The following TFPI2 variants were observed in gnomAD, a reference collection of about 807,000 sequenced individuals.
The protein encoded by TFPI2 is placental protein 5.
In TFPI2, 23 loss-of-function variants were observed where a neutral mutation model predicts 23.1. That is an observed-to-expected ratio of 1.00 (90% confidence interval 0.72 to 1.41). The LOEUF is 1.41. Among genes scored for constraint, TFPI2 ranks in the 40% most tolerant of loss-of-function variants. The pLI, the probability that TFPI2 is intolerant of heterozygous loss-of-function variation, is 0.00. For missense variants in TFPI2, 291 were observed against 299.6 expected (o/e 0.97, Z 0.21); for synonymous variants, 119 against 111.7 (o/e 1.07, Z -0.41).
rs1297380944 is a variant in TFPI2 at position 93,886,776 on chromosome 7, G to A, written c.*44C>T. 7.3e-6 allele frequency: 9 copies of A among 1,229,792 alleles called. No homozygotes were observed. Among genetic ancestry groups the A allele is most frequent in the Non-Finnish European group, 1.0e-5 (9 of 886,110 alleles). The allele number at this position is 1,229,792 out of a possible 1,614,324, so 76.2% of individuals were successfully genotyped here. A position where few individuals can be genotyped will look rare whatever the true frequency, so the allele number is the denominator to read the frequency against. On this transcript the variant is annotated 3_prime_UTR_variant, in exon 5 of 5. Transcript: ENST00000222543. ...TTATTCTTCAGATACAACCATAAAG[G>A]CAAATAAGCCATAAAGACAAACAAG...
At chr7:93,888,369 C>T (rs537032604) in intron 3 of TFPI2, among the ~76,000 whole-genome samples, 2 of 151,850 alleles carry the variant, frequency 1.3e-5, no homozygotes, top group South Asian at 4.2e-4. Context: ...TCTAAAGAAA[C>T]AATTCAGGGC....
Position 93,887,295 on chromosome 7 carries a change from A to T in TFPI2, c.597T>A (p.Val199=). ...ATGCACGTTTGCAATCCTCCCTGCT[A>T]ACAAAGTTATTGTCATTCCCTCCAC... is the stretch of plus-strand genomic sequence containing the variant. ...TGCGGNDNNF[V]SREDCKRACA... Residue 199 remains valine (V), a synonymous_variant, in exon 4 of 5, where the codon GTT becomes GTA. Coordinates refer to ENST00000222543, the MANE Select transcript of TFPI2 (RefSeq NM_006528.4). The T allele has an allele frequency of 6.2e-7, 1 of 1,612,706 alleles. No homozygotes were observed. The highest frequency in any genetic ancestry group is 1.1e-5 in the South Asian group (1 of 90,586).
rs577195547 is a variant in TFPI2 at position 93,889,081 on chromosome 7, C to T, written c.414G>A (p.Arg138=). ...CCATACAAGTAGCTTCATCTGGAAA[C>T]CTGTTCTCAATCCGGTTCCGGTGAC... ...GGCHRNRIEN[R]FPDEATCMGF... is the part of the protein sequence containing the mutation. The change falls in exon 3 of 5, where the codon AGG becomes AGA. Residue 138 remains arginine, a synonymous_variant. Transcript: ENST00000222543. 27 of 1,611,440 alleles carry T rather than the reference C, an allele frequency of 1.7e-5. No individual in the cohort carries two copies. Among genetic ancestry groups the T allele is most frequent in the African/African-American group, 2.7e-5 (2 of 74,732 alleles).
intron 3 of TFPI2, among the ~76,000 whole-genome samples, chr7:93,887,834 A>G (rs937629404): frequency 6.6e-6 from 1 of 152,236 alleles, no homozygotes; most frequent in African/African-American, 2.4e-5. Flanking sequence ...AATCAATAAT[A>G]TATGCATACT....
Position 93,890,245 on chromosome 7 carries a change from C to T in TFPI2, c.163G>A (p.Asp55Asn). Residue 55 changes from aspartate to asparagine, a missense_variant, in exon 2 of 5, where the codon GAC (aspartate) becomes AAC (asparagine). By Grantham distance (23) the Asp-to-Asn change is conservative. Coordinates refer to ENST00000222543, the MANE Select transcript of TFPI2 (RefSeq NM_006528.4). ...TGGCGGCAGCTCTGCGTGTACCTGTCGTAGTAGTAACGGAGAAGTAGGGCC... is the reference window on the plus strand; with the variant it reads ...TGGCGGCAGCTCTGCGTGTACCTGTTGTAGTAGTAACGGAGAAGTAGGGCC... The part of the protein sequence containing the change: ...CRALLLRYYY[D>N]RYTQSCRQFL... 1 of 1,613,986 alleles carries T rather than the reference C, an allele frequency of 6.2e-7. No individual in the cohort carries two copies. Among genetic ancestry groups the T allele is most frequent in the South Asian group, 1.1e-5 (1 of 91,072 alleles).
At chr7:93,890,045 C>T in intron 2 of TFPI2, 92 bp downstream of exon 2, 1 of 1,373,736 alleles carries the variant, frequency 7.3e-7, no homozygotes, top group Admixed American at 2.4e-5. Context: ...CTAAAACTTC[C>T]TGTAGAAAGC....
intron 2 of TFPI2, 49 bp from the exon 3 acceptor site, chr7:93,889,272 T>C (rs760051958): frequency 1.3e-6 from 2 of 1,485,320 alleles, no homozygotes; most frequent in Admixed American, 2.4e-5. Flanking sequence ...GTAGCCTTCT[T>C]ATTAAACCAT....
Position 93,890,590 on chromosome 7 carries a change from C to T in TFPI2, c.88+1G>A, listed in dbSNP as rs1345430746. The T allele has an allele frequency of 1.2e-5, 20 of 1,613,180 alleles. No homozygotes were observed. The highest frequency in any genetic ancestry group is 3.3e-5 in the Admixed American group (2 of 59,984). ...GAGAAGCTCCTGGAGCGGCCAGATA[C>T]CTGTTGGCTCCTGAGCAGCATCGCC... On this transcript the variant is annotated splice_donor_variant, in intron 1 of 4. Transcript: ENST00000222543. LOFTEE classifies it high-confidence loss of function.
At chr7:93,888,516 A>G (rs1357684068) in intron 3 of TFPI2, among the ~76,000 whole-genome samples, 1 of 123,180 alleles carries the variant, frequency 8.1e-6, no homozygotes, top group Admixed American at 8.8e-5. Context: ...AAGAAAGAAA[A>G]GAAAGAAAGA....
In TFPI2 at chr7:93,886,555, T is replaced by C; in HGVS notation, c.*265A>G. 1 of 304,116 alleles carries C rather than the reference T, an allele frequency of 3.3e-6. No homozygotes were observed. The allele number at this position is 304,116 out of a possible 1,614,324, so 18.8% of individuals were successfully genotyped here. A position where few individuals can be genotyped will look rare whatever the true frequency, so the allele number is the denominator to read the frequency against. ...AATACGACCCCAAGAAATGAGTGAGTCATATTTGCTTTTATATCTTATGCA... is the reference window on the plus strand; with the variant it reads ...AATACGACCCCAAGAAATGAGTGAGCCATATTTGCTTTTATATCTTATGCA... On this transcript the variant is annotated 3_prime_UTR_variant, in exon 5 of 5. Transcript: ENST00000222543.
Position 93,887,427 on chromosome 7 carries a change from TGGAA to T in TFPI2, c.461_464del (p.Ile154AsnfsTer17). The T allele has an allele frequency of 6.2e-7, 1 of 1,603,690 alleles. No individual in the cohort carries two copies. Among genetic ancestry groups the T allele is most frequent in the East Asian group, 2.2e-5 (1 of 44,728 alleles). On this transcript the variant is annotated frameshift_variant and splice_region_variant, in exon 4 of 5. Coordinates refer to ENST00000222543, the MANE Select transcript of TFPI2 (RefSeq NM_006528.4). LOFTEE classifies it high-confidence loss of function. ...CATCTTTTGGACTGTAGCAAAATGA[TGGAA>T]CTTTATAAAAAAGAGAAGAAAATTA...
intron 4 of TFPI2, 144 bp downstream of exon 4, chr7:93,887,117 T>C: frequency 1.2e-6 from 1 of 868,478 alleles, no homozygotes; most frequent in Non-Finnish European, 1.7e-6. Flanking sequence ...TTGACAAAAC[T>C]GATTAACACT....
chr7:93,888,524 A>AGAAAGAAG lies in TFPI2; in HGVS notation c.460+510_460+511insCTTCTTTC, dbSNP rs1168242124. The stretch of plus-strand genomic sequence containing the variant: ...AGAAAGAAAGAAAGAAAAGAAAGAA[A>AGAAAGAAG]GAAGGAAGGAAGGAAGGAAAGAAGG... On this transcript the variant is annotated intron_variant, in intron 3 of 4. Transcript: ENST00000222543. 1.8e-3 allele frequency among the ~76,000 whole-genome samples: 211 copies of AGAAAGAAG among 116,598 alleles called. 11 individuals carry two copies. The highest frequency in any genetic ancestry group is 6.9e-3 in the African/African-American group (198 of 28,794). 76.5% of individuals were successfully genotyped at this position (116,598 alleles called of 152,430 possible). A position where few individuals can be genotyped will look rare whatever the true frequency, so the allele number is the denominator to read the frequency against.
Position 93,886,818 on chromosome 7 carries a change from G to A in TFPI2, c.*2C>T. The A allele has an allele frequency of 6.5e-7, 1 of 1,543,112 alleles. No homozygotes were observed. Among genetic ancestry groups the A allele is most frequent in the East Asian group, 2.4e-5 (1 of 40,904 alleles). ...ACAAACAAGATGACATATTAAGAATGTTTAAAATTGCTTCTTCCGAATTTT... is the reference window on the plus strand; with the variant it reads ...ACAAACAAGATGACATATTAAGAATATTTAAAATTGCTTCTTCCGAATTTT... On this transcript the variant is annotated 3_prime_UTR_variant, in exon 5 of 5. Transcript: ENST00000222543.
In TFPI2 at chr7:93,889,731, A is replaced by C. The variant is rs541868176; in HGVS notation, c.271+406T>G. On this transcript the variant is annotated intron_variant, in intron 2 of 4. Coordinates refer to ENST00000222543, the MANE Select transcript of TFPI2 (RefSeq NM_006528.4). ...TCACACTTCAATAATAAAATCCACT[A>C]AAAATATTTCAGATTGATGGATAAT... is the stretch of plus-strand genomic sequence containing the variant. Among the ~76,000 whole-genome samples the C allele has an allele frequency of 1.6e-4, 24 of 152,344 alleles. 1 individual carries two copies. Among genetic ancestry groups the C allele is most frequent in the Non-Finnish European group, 3.4e-4 (23 of 68,034 alleles).
chr7:93,886,974 G>C, intron 4 of TFPI2, 78 bp from the exon 5 acceptor site: 1 of 1,060,106 alleles, frequency 9.4e-7, no homozygotes, highest in East Asian at 2.6e-5. Flanking sequence ...TTCTGATAAG[G>C]TTATTGAGCT....
At chr7:93,888,695 C>T (rs1336017144) in intron 3 of TFPI2, among the ~76,000 whole-genome samples, 1 of 151,342 alleles carries the variant, frequency 6.6e-6, no homozygotes, top group African/African-American at 2.4e-5. Context: ...GGCATGGTGG[C>T]GGGCGCCTGT....
chr7:93,887,730 G>T (rs2115842181), intron 3 of TFPI2, among the ~76,000 whole-genome samples: 1 of 152,322 alleles, frequency 6.6e-6, no homozygotes, highest in East Asian at 1.9e-4. Context: ...TAAAAATGGG[G>T]TAAGTTTCAA....
At chr7:93,888,958 C>A in intron 3 of TFPI2, 77 bp downstream of exon 3, 3 of 1,306,390 alleles carry the variant, frequency 2.3e-6, no homozygotes, top group Non-Finnish European at 3.2e-6. Context: ...ATGTTAATTT[C>A]GCATCAAATT....
Sources: gnomAD v4.1 joint callset for allele counts (sites outside exome capture counted in the v4.1 genomes callset) on GRCh38, gnomAD v4.1.1 for gene constraint, MANE v1.5 for transcripts, NCBI Gene and HGNC (gene_info 2026-07-23, HGNC 2026-07-21) for gene names.